Variants in PIGC observed in about 807,000 individuals in gnomAD.
PIGC encodes phosphatidylinositol glycan anchor biosynthesis class C, also known as phosphatidylinositol N-acetylglucosaminyltransferase subunit C.
A neutral mutation model predicts 20.9 loss-of-function variants in PIGC; 14 were observed. The observed-to-expected ratio is 0.67, with a 90% CI of 0.44 to 1.05. PIGC has a LOEUF of 1.05. Ranked by LOEUF, PIGC falls within the 50% of genes least tolerant of loss-of-function variation. The probability of loss-of-function intolerance (pLI) is 0.00; values close to 1 mark genes in which losing one functional copy is unlikely to be tolerated. For synonymous variants in PIGC, 132 were observed against 141.4 expected (o/e 0.93, Z 0.47); for missense variants, 310 against 360.9 (o/e 0.86, Z 1.14).
Position 172,442,569 on chromosome 1 carries a change from C to G in PIGC, c.54G>C (p.Leu18Phe), listed in dbSNP as rs1355043894. Residue 18 changes from leucine (L) to phenylalanine (F), a missense_variant, in exon 2 of 2, where the codon TTG becomes TTC. By Grantham distance (22) the Leu-to-Phe change is conservative. Transcript: ENST00000344529. ...NTKEVKWQKV[L>F]YERQPFPDNY... The stretch of plus-strand genomic sequence containing the variant: ...TATCAGGAAAGGGCTGTCGCTCATA[C>G]AAGACCTTCTGCCACTTGACCTCCT... 1.2e-6 allele frequency: 2 copies of G among 1,614,092 alleles called. No homozygotes were observed. The highest frequency in any genetic ancestry group is 1.7e-6 in the Non-Finnish European group (2 of 1,179,936).
At chr1:172,443,798 G>C (rs748888315) in intron 1 of PIGC, 190 bp downstream of exon 1, 3 of 241,420 alleles carry the variant, frequency 1.2e-5, no homozygotes, top group Non-Finnish European at 2.2e-5. Context: ...CGCCCGCAGA[G>C]TGGGGCTGGG....
At chr1:172,443,034 G>A (rs1033122054) in intron 1 of PIGC, 6 of 180,926 alleles carry the variant, frequency 3.3e-5, no homozygotes, top group Admixed American at 2.3e-4. Flanking sequence ...CGCTTATTGA[G>A]TACCTACTAT....
chr1:172,441,861 A>C lies in PIGC; in HGVS notation c.762T>G (p.Phe254Leu). Residue 254 changes from phenylalanine to leucine, a missense_variant, in exon 2 of 2, where the codon TTT (phenylalanine) becomes TTG (leucine). Coordinates refer to ENST00000344529, the MANE Select transcript of PIGC (RefSeq NM_153747.2). Reference sequence around the variant, plus strand: ...ATGAGATAGACATCAGCAGAAGGGCAAAGAGTACGGCTCCCACAGCACTAA... The same window carrying C: ...ATGAGATAGACATCAGCAGAAGGGCCAAGAGTACGGCTCCCACAGCACTAA... Reference protein sequence around the residue: ...LSISAVGAVLFALLLMSISCL... With the variant: ...LSISAVGAVLLALLLMSISCL... 1.9e-6 allele frequency: 3 copies of C among 1,614,200 alleles called. No homozygotes were observed. The highest frequency in any genetic ancestry group is 2.5e-6 in the Non-Finnish European group (3 of 1,180,018).
At chr1:172,443,831 G>A (rs1573858315) in intron 1 of PIGC, 157 bp downstream of exon 1, 2 of 377,802 alleles carry the variant, frequency 5.3e-6, no homozygotes, top group African/African-American at 4.4e-5. Context: ...AGGGTAGGGT[G>A]ACCCCAGGGT....
intron 1 of PIGC, 26 bp from the exon 2 acceptor site, chr1:172,442,856 A>G (rs1235858566): frequency 1.2e-5 from 6 of 490,440 alleles, no homozygotes; most frequent in East Asian, 6.8e-5. Flanking sequence ...CTGTGAACCT[A>G]CGAAAGTTGT....
chr1:172,443,212 G>T (rs945963130), intron 1 of PIGC: 3 of 167,602 alleles, frequency 1.8e-5, no homozygotes, highest in African/African-American at 7.2e-5. Flanking sequence ...CAAAGCCTGT[G>T]TCTCACATTG....
chr1:172,442,315 A>C lies in PIGC; in HGVS notation c.308T>G (p.Ile103Ser). The change falls in exon 2 of 2, where the codon ATT becomes AGT. Residue 103 changes from isoleucine (I) to serine (S), a missense_variant. Transcript: ENST00000344529. The part of the protein sequence containing the change: ...SLIGYVLFDL[I>S]DGGEGRKKSG... Reference sequence around the variant, plus strand: ...CTTCTTCCGCCCTTCACCTCCATCAATGAGATCAAACAAAACATACCCAAT... The same window carrying C: ...CTTCTTCCGCCCTTCACCTCCATCACTGAGATCAAACAAAACATACCCAAT... The C allele has an allele frequency of 6.2e-7, 1 of 1,613,396 alleles. No individual in the cohort carries two copies. The highest frequency in any genetic ancestry group is 8.5e-7 in the Non-Finnish European group (1 of 1,180,026).
Position 172,442,733 on chromosome 1 carries a change from G to C in PIGC, c.-111C>G, listed in dbSNP as rs1361980755. The C allele has an allele frequency of 8.7e-6, 8 of 915,938 alleles. No homozygotes were observed. The highest frequency in any genetic ancestry group is 1.4e-5 in the Non-Finnish European group (8 of 581,152). The allele number at this position is 915,938 out of a possible 1,614,324, so 56.7% of individuals were successfully genotyped here. A position where few individuals can be genotyped will look rare whatever the true frequency, so the allele number is the denominator to read the frequency against. ...GAGACCTCCCTGGAAATTCCATGCT[G>C]TGTTGATGTTCTACCAACCTTTCCT... On this transcript the variant is annotated 5_prime_UTR_variant, in exon 2 of 2. Coordinates refer to ENST00000344529, the MANE Select transcript of PIGC (RefSeq NM_153747.2).
In PIGC at chr1:172,442,343, G is replaced by C. The variant is rs745973799; in HGVS notation, c.280C>G (p.Leu94Val). ...WLLGTGLASS[L>V]IGYVLFDLID... is the part of the protein sequence containing the mutation. Reference sequence around the variant, plus strand: ...AGATCAAACAAAACATACCCAATCAGTGAAGAAGCCAGACCAGTCCCTAAA... The same window carrying C: ...AGATCAAACAAAACATACCCAATCACTGAAGAAGCCAGACCAGTCCCTAAA... Residue 94 changes from leucine to valine, a missense_variant, in exon 2 of 2, where the codon CTG (leucine) becomes GTG (valine). Leu to Val is a conservative substitution (Grantham distance 32). Coordinates refer to ENST00000344529, the MANE Select transcript of PIGC (RefSeq NM_153747.2). The C allele has an allele frequency of 6.2e-7, 1 of 1,613,182 alleles. No homozygotes were observed. Among genetic ancestry groups the C allele is most frequent in the South Asian group, 1.1e-5 (1 of 91,036 alleles).
Position 172,444,040 on chromosome 1 carries a change from C to G in PIGC, c.-261G>C, listed in dbSNP as rs1394863568. On this transcript the variant is annotated 5_prime_UTR_variant, in exon 1 of 2. Transcript: ENST00000344529. The stretch of plus-strand genomic sequence containing the variant: ...GGGGACGGCGGCACCCAGCCTTTTT[C>G]CCGCTTCGGGGCGCCGGGGCTGCGA... 4 of 999,856 alleles carry G rather than the reference C, an allele frequency of 4.0e-6. No homozygotes were observed. In the African/African-American group the frequency reaches 7.0e-5, roughly 17 times the overall value. The allele number at this position is 999,856 out of a possible 1,614,324, so 61.9% of individuals were successfully genotyped here. A position where few individuals can be genotyped will look rare whatever the true frequency, so the allele number is the denominator to read the frequency against.
Position 172,442,161 on chromosome 1 carries a change from G to A in PIGC, c.462C>T (p.Val154=), listed in dbSNP as rs1558132112. The change falls in exon 2 of 2, where the codon GTC becomes GTT. Residue 154 remains valine (V), a synonymous_variant. Coordinates refer to ENST00000344529, the MANE Select transcript of PIGC (RefSeq NM_153747.2). ...AGATGAGATGGCCTAACAGCATGAA[G>A]ACTGACATGGCATAGATGGTGTCAG... ...VSTDTIYAMS[V]FMLLGHLIFF... 4 of 1,614,054 alleles carry A rather than the reference G, an allele frequency of 2.5e-6. No individual in the cohort carries two copies. The highest frequency in any genetic ancestry group is 3.4e-6 in the Non-Finnish European group (4 of 1,179,970).
At position 172,441,889 on chromosome 1, in the gene PIGC, G is replaced by C. The variant is rs745563149; in HGVS notation, c.734C>G (p.Ser245Cys). 7 of 1,614,166 alleles carry C rather than the reference G, an allele frequency of 4.3e-6. No individual in the cohort carries two copies. The highest frequency in any genetic ancestry group is 3.3e-5 in the Admixed American group (2 of 60,024). ...FAFSAVGGLL[S>C]ISAVGAVLFA... ...GAGTACGGCTCCCACAGCACTAATG[G>C]ACAGTAGGCCTCCCACGGCTGAAAA... The change falls in exon 2 of 2, where the codon TCC (serine) becomes TGC (cysteine). Residue 245 changes from serine (S) to cysteine (C), a missense_variant. By Grantham distance (112) the Ser-to-Cys change is moderately radical. Coordinates refer to ENST00000344529, the MANE Select transcript of PIGC (RefSeq NM_153747.2).
chr1:172,442,646 C>T lies in PIGC; in HGVS notation c.-24G>A. ...ATTATCCTTTCATTCAAACTCAGGC[C>T]AGTTTAATCATCGCCCTCACAGAAG... is the stretch of plus-strand genomic sequence containing the variant. On this transcript the variant is annotated 5_prime_UTR_variant, in exon 2 of 2. Coordinates refer to ENST00000344529, the MANE Select transcript of PIGC (RefSeq NM_153747.2). 6.3e-7 allele frequency: 1 copy of T among 1,587,784 alleles called. No individual in the cohort carries two copies. The highest frequency in any genetic ancestry group is 2.3e-5 in the East Asian group (1 of 44,410).
In PIGC at chr1:172,441,653, ACT is replaced by A. The variant is rs766285302; in HGVS notation, c.*74_*75del. Reference sequence around the variant, plus strand: ...AATGACATGCTGCTTCCAGAATGGAACTCTGTCTTTAAGTTCTATACTAGTTA... The same window carrying A: ...AATGACATGCTGCTTCCAGAATGGAACTGTCTTTAAGTTCTATACTAGTTA... On this transcript the variant is annotated 3_prime_UTR_variant, in exon 2 of 2. Transcript: ENST00000344529. 22 of 1,261,498 alleles carry A rather than the reference ACT, an allele frequency of 1.7e-5. No homozygotes were observed. The Middle Eastern group carries it at 8.6e-4, about 49-fold the overall frequency. 78.1% of individuals were successfully genotyped at this position (1,261,498 alleles called of 1,614,324 possible).
chr1:172,443,251 A>C (rs1404206891), intron 1 of PIGC: 1 of 167,244 alleles, frequency 6.0e-6, no homozygotes, highest in African/African-American at 2.4e-5. Context: ...TTCTTAACTC[A>C]GTGGTTCACA....
rs918974997 is a variant in PIGC at position 172,441,625 on chromosome 1, C to G, written c.*104G>C. 1.9e-6 allele frequency: 2 copies of G among 1,072,324 alleles called. No homozygotes were observed. Among genetic ancestry groups the G allele is most frequent in the Non-Finnish European group, 2.7e-6 (2 of 754,536 alleles). 66.4% of individuals were successfully genotyped at this position (1,072,324 alleles called of 1,614,324 possible). A position where few individuals can be genotyped will look rare whatever the true frequency, so the allele number is the denominator to read the frequency against. ...TTGGTTTTGATCTCTATTCTCTTACCACAATGACATGCTGCTTCCAGAATG... is the reference window on the plus strand; with the variant it reads ...TTGGTTTTGATCTCTATTCTCTTACGACAATGACATGCTGCTTCCAGAATG... On this transcript the variant is annotated 3_prime_UTR_variant, in exon 2 of 2. Transcript: ENST00000344529.
intron 1 of PIGC, chr1:172,443,657 A>G (rs72725210): frequency 0.039 from 6,504 of 167,206 alleles, 131 homozygotes; most frequent in Middle Eastern, 0.057. Context: ...TATTTCTTCC[A>G]TGATAGACCA....
In PIGC at chr1:172,442,480, T is replaced by A; in HGVS notation, c.143A>T (p.Tyr48Phe). The A allele has an allele frequency of 6.2e-7, 1 of 1,614,086 alleles. No homozygotes were observed. Among genetic ancestry groups the A allele is most frequent in the Non-Finnish European group, 8.5e-7 (1 of 1,179,996 alleles). ...RKNIHARKYQ[Y>F]WAVVFESSVV... is the part of the protein sequence containing the mutation. ...ACTGGACTCAAATACCACAGCCCAA[T>A]ATTGGTATTTCCGAGCATGGATGTT... is the stretch of plus-strand genomic sequence containing the variant. Residue 48 changes from tyrosine (Y) to phenylalanine (F), a missense_variant, in exon 2 of 2, where the codon TAT becomes TTT. Physicochemically the swap from Tyr to Phe is conservative, Grantham distance 22. Transcript: ENST00000344529.
chr1:172,442,544 T>C lies in PIGC; in HGVS notation c.79A>G (p.Asn27Asp), dbSNP rs758883644. Residue 27 changes from asparagine (N) to aspartate (D), a missense_variant, in exon 2 of 2, where the codon AAC becomes GAC. Coordinates refer to ENST00000344529, the MANE Select transcript of PIGC (RefSeq NM_153747.2). ...VLYERQPFPD[N>D]YVDRRFLEEL... ...TCCAGGAATCGCCGGTCCACATAGT[T>C]ATCAGGAAAGGGCTGTCGCTCATAC... The C allele has an allele frequency of 6.2e-7, 1 of 1,614,190 alleles. No homozygotes were observed. The highest frequency in any genetic ancestry group is 1.1e-5 in the South Asian group (1 of 91,084).
Sources: allele counts gnomAD v4.1 joint callset, GRCh38; gene constraint gnomAD v4.1.1; transcripts MANE v1.5; gene names NCBI Gene and HGNC (gene_info 2026-07-23, HGNC 2026-07-21).